The following MED12 variants were observed in gnomAD, a reference collection of about 807,000 sequenced individuals.
MED12 encodes mediator of RNA polymerase II transcription subunit 12.
MED12 carries 10 observed loss-of-function variants against 177.7 expected under a neutral mutation model. That is an observed-to-expected ratio of 0.06 (90% CI 0.03 to 0.10). The LOEUF is 0.10. Ranked by LOEUF, MED12 falls within the 10% of genes least tolerant of loss-of-function variation. The pLI is 1.00. For synonymous variants in MED12, 641 were observed against 678.4 expected (o/e 0.94, Z 0.86); for missense variants, 867 against 1,780.8 (o/e 0.49, Z 9.23).
chrX:71,123,601 G>T lies in MED12; in HGVS notation c.1625G>T (p.Gly542Val). The T allele has an allele frequency of 8.3e-7, 1 of 1,211,439 alleles. No homozygotes were observed. The highest frequency in any genetic ancestry group is 1.1e-6 in the Non-Finnish European group (1 of 895,291). The stretch of plus-strand genomic sequence containing the variant: ...TGTTCTGTCATCTTGCAGCGTTGTG[G>T]AGAATCAGAAGCCGCAGATGAGAAG... ...RQAEIEAERCGESEAADEKGS... is the reference protein window; with the variant it reads ...RQAEIEAERCVESEAADEKGS... The change falls in exon 12 of 45, where the codon GGA becomes GTA. Residue 542 changes from glycine to valine, a missense_variant. By Grantham distance (109) the Gly-to-Val change is moderately radical (BLOSUM62 -3). Around this residue, in one of 14 missense-constraint regions of MED12, gnomAD observed 309 missense variants for 556.3 expected, o/e 0.56. Coordinates refer to ENST00000374080, the MANE Select transcript of MED12 (RefSeq NM_005120.3).
At chrX:71,141,660 G>A (rs892173890) in intron 43 of MED12, among the ~76,000 whole-genome samples, 14 of 111,098 alleles carry the variant, frequency 1.3e-4, no homozygotes, top group East Asian at 2.8e-4. Flanking sequence ...TAAATAAGCC[G>A]GGCATGGTGG....
intron 1 of MED12, 138 bp from the exon 2 acceptor site, chrX:71,119,235 C>G: frequency 1.9e-6 from 1 of 518,863 alleles, no homozygotes; most frequent in Admixed American, 2.8e-5. Flanking sequence ...AAGGGCCCAG[C>G]TTTAAGTAAC....
At chrX:71,136,258 T>C in intron 36 of MED12, 23 bp from the exon 37 acceptor site, 1 of 1,211,229 alleles carries the variant, frequency 8.3e-7, no homozygotes. Context: ...CAACAGCTTA[T>C]TGTTTTTCAT....
In MED12 at chrX:71,121,269, A is replaced by G; in HGVS notation, c.736-58A>G. The G allele has an allele frequency of 3.8e-6, 3 of 790,311 alleles. No individual in the cohort carries two copies. The South Asian group carries it at 6.0e-5, about 16-fold the overall frequency. The allele number at this position is 790,311 out of a possible 1,213,427, so 65.1% of individuals were successfully genotyped here. Reference sequence around the variant, plus strand: ...CAGTTGTGGTTCTCTTCATCTTTTCATTTACTTTATCTGCTTCATCTCTAA... The same window carrying G: ...CAGTTGTGGTTCTCTTCATCTTTTCGTTTACTTTATCTGCTTCATCTCTAA... On this transcript the variant is annotated intron_variant, in intron 5 of 44. Coordinates refer to ENST00000374080, the MANE Select transcript of MED12 (RefSeq NM_005120.3).
In MED12 at chrX:71,132,362, C is replaced by T; in HGVS notation, c.4254-15C>T. The T allele has an allele frequency of 1.7e-6, 2 of 1,210,373 alleles. No homozygotes were observed. The highest frequency in any genetic ancestry group is 2.2e-6 in the Non-Finnish European group (2 of 894,875). The stretch of plus-strand genomic sequence containing the variant: ...TGGCTCCCCTGTGACCCTGTGTCCT[C>T]TGTCTGTTCTCCAGCTCTCTAGAGC... On this transcript the variant is annotated splice_polypyrimidine_tract_variant and intron_variant, in intron 30 of 44. Coordinates refer to ENST00000374080, the MANE Select transcript of MED12 (RefSeq NM_005120.3).
rs751774081 is a variant in MED12 at position 71,126,068 on chromosome X, C to A, written c.2455C>A (p.Arg819=). 2.5e-6 allele frequency: 3 copies of A among 1,210,998 alleles called. No individual in the cohort carries two copies. Among genetic ancestry groups the A allele is most frequent in the Non-Finnish European group, 3.4e-6 (3 of 894,827 alleles). The part of the protein sequence containing the change: ...GEDGQKRRRN[R]PEAFPTAEDI... ...GGATGGGCAGAAGCGGCGACGCAAC[C>A]GGCCTGAAGCCTTCCCCACTGCTGA... Residue 819 remains arginine (R), a synonymous_variant, in exon 18 of 45, where the codon CGG becomes AGG. Transcript: ENST00000374080.
chrX:71,131,487 G>T, intron 28 of MED12, 63 bp from the exon 29 acceptor site: 1 of 1,112,097 alleles, frequency 9.0e-7, no homozygotes, highest in Non-Finnish European at 1.2e-6. Context: ...ATTGGCCTCA[G>T]ATTGTTGGGT....
rs774488297 is a variant in MED12, at chrX:71,130,228, G to A, written c.4047+14G>A. 2.5e-5 allele frequency: 30 copies of A among 1,196,172 alleles called. No homozygotes were observed. The South Asian group carries it at 3.1e-4, about 12-fold the overall frequency. ...CGCATTCTCCAGGTAGGCCAAGGCCGTGGGGGCTGTGGAGGAAGCAGTGGG... is the reference window on the plus strand; with the variant it reads ...CGCATTCTCCAGGTAGGCCAAGGCCATGGGGGCTGTGGAGGAAGCAGTGGG... On this transcript the variant is annotated intron_variant, in intron 28 of 44. Transcript: ENST00000374080.
In MED12 at chrX:71,125,347, G is replaced by A. The variant is rs751157238; in HGVS notation, c.2227-4G>A. ...TGGAGTCTGATGGTGCTGCTGGGAT[G>A]CAGGAGGAGTCATGCAGCCATGAGT... On this transcript the variant is annotated splice_polypyrimidine_tract_variant and splice_region_variant and intron_variant, in intron 15 of 44. Coordinates refer to ENST00000374080, the MANE Select transcript of MED12 (RefSeq NM_005120.3). 3 of 1,211,060 alleles carry A rather than the reference G, an allele frequency of 2.5e-6. No individual in the cohort carries two copies. In the East Asian group the frequency reaches 8.9e-5, roughly 36 times the overall value.
chrX:71,125,690 A>G lies in MED12; in HGVS notation c.2399A>G (p.Asn800Ser). 2 of 1,127,911 alleles carry G rather than the reference A, an allele frequency of 1.8e-6. No individual in the cohort carries two copies. The highest frequency in any genetic ancestry group is 2.4e-6 in the Non-Finnish European group (2 of 847,873). The allele number at this position is 1,127,911 out of a possible 1,213,427, so 93.0% of individuals were successfully genotyped here. ...CAGCTTGCTCCTATTGTGCCTCTGA[A>G]TCCTGGAGACCTGACATTCTTAGGT... ...TDQLAPIVPL[N>S]PGDLTFLGGE... Residue 800 changes from asparagine (N) to serine (S), a missense_variant, in exon 17 of 45, where the codon AAT becomes AGT. Around this residue, in one of 14 missense-constraint regions of MED12, gnomAD observed 309 missense variants for 556.3 expected, o/e 0.56. Coordinates refer to ENST00000374080, the MANE Select transcript of MED12 (RefSeq NM_005120.3).
At chrX:71,124,514 T>A in intron 13 of MED12, 126 bp downstream of exon 13, 3 of 555,919 alleles carry the variant, frequency 5.4e-6, no homozygotes, top group Non-Finnish European at 9.0e-6. Context: ...CACTTGGTGA[T>A]TGACCAAGCA....
rs2092280928 is a variant in MED12 at position 71,118,645 on chromosome X, C to T, written c.-110C>T. The T allele has an allele frequency of 3.0e-6, 2 of 670,902 alleles. No homozygotes were observed. The highest frequency in any genetic ancestry group is 3.5e-5 in the East Asian group (1 of 28,260). 55.3% of individuals were successfully genotyped at this position (670,902 alleles called of 1,213,427 possible). A position where few individuals can be genotyped will look rare whatever the true frequency, so the allele number is the denominator to read the frequency against. On this transcript the variant is annotated 5_prime_UTR_variant, in exon 1 of 45. Transcript: ENST00000374080. ...TCTAACGTGCCCCCTTGTTGTCTCTCGGCCGCCGTCCTCTCAACCACCGCC... is the reference window on the plus strand; with the variant it reads ...TCTAACGTGCCCCCTTGTTGTCTCTTGGCCGCCGTCCTCTCAACCACCGCC...
intron 1 of MED12, 41 bp from the exon 2 acceptor site, chrX:71,119,332 C>G (rs777732967): frequency 5.8e-6 from 6 of 1,037,450 alleles, no homozygotes; most frequent in Admixed American, 2.5e-5. Flanking sequence ...TTCCCCCTTC[C>G]CCTAAGGAAA....
At chrX:71,119,128 C>A (rs1032244129) in intron 1 of MED12, among the ~76,000 whole-genome samples, 1 of 110,281 alleles carries the variant, frequency 9.1e-6, no homozygotes, top group African/African-American at 3.3e-5. Flanking sequence ...GGTACGGCTG[C>A]TCGGCTGTTC....
chrX:71,126,708 C>T (rs2092304236), intron 19 of MED12, among the ~76,000 whole-genome samples: 1 of 112,171 alleles, frequency 8.9e-6, no homozygotes, highest in Admixed American at 9.4e-5. Context: ...TGGGCACAGA[C>T]CATCCTCCCA....
chrX:71,131,980 T>C (rs1301209254), intron 29 of MED12, 93 bp from the exon 30 acceptor site: 1 of 839,577 alleles, frequency 1.2e-6, no homozygotes, highest in Non-Finnish European at 1.8e-6. Flanking sequence ...GCCAGTGTTG[T>C]CCTTCTCCGT....
In MED12 at chrX:71,127,933, G is replaced by A. The variant is rs1602299144; in HGVS notation, c.3022G>A (p.Val1008Met). ...GGTGAAGAACACCATCTACTGCAAC[G>A]TGGAGCCATCGGAATCAAATATGCG... ...SKVKNTIYCN[V>M]EPSESNMRWA... The change falls in exon 22 of 45, where the codon GTG (valine) becomes ATG (methionine). Residue 1008 changes from valine to methionine, a missense_variant. By Grantham distance (21) the Val-to-Met change is conservative. This residue lies in a region of MED12 where 70 missense variants were observed against 143.6 expected (regional missense o/e 0.49). Coordinates refer to ENST00000374080, the MANE Select transcript of MED12 (RefSeq NM_005120.3). The A allele has an allele frequency of 9.9e-6, 12 of 1,211,311 alleles. No individual in the cohort carries two copies. Among genetic ancestry groups the A allele is most frequent in the South Asian group, 1.8e-5 (1 of 56,954 alleles).
intron 3 of MED12, 56 bp from the exon 4 acceptor site, chrX:71,119,958 A>G (rs1049071380): frequency 2.6e-5 from 31 of 1,203,192 alleles, no homozygotes; most frequent in Non-Finnish European, 3.3e-5. Flanking sequence ...ATTAAGCTAC[A>G]TGGGTGTCAG....
chrX:71,118,775 G>T lies in MED12; in HGVS notation c.21G>T (p.Leu7Phe). The T allele has an allele frequency of 8.3e-7, 1 of 1,209,422 alleles. No individual in the cohort carries two copies. The change falls in exon 1 of 45, where the codon TTG (leucine) becomes TTT (phenylalanine). Residue 7 changes from leucine to phenylalanine, a missense_variant. By Grantham distance (22) the Leu-to-Phe change is conservative. Coordinates refer to ENST00000374080, the MANE Select transcript of MED12 (RefSeq NM_005120.3). Reference protein sequence around the residue: MAAFGILSYEHRPLKRP... With the variant: MAAFGIFSYEHRPLKRP... ...GCAAGATGGCGGCCTTCGGGATCTTGAGCTACGAACACCGGCCCCTGAAGC... is the reference window on the plus strand; with the variant it reads ...GCAAGATGGCGGCCTTCGGGATCTTTAGCTACGAACACCGGCCCCTGAAGC...
Sources: allele counts gnomAD v4.1 joint callset (sites outside exome capture counted in the v4.1 genomes callset), GRCh38; gene constraint gnomAD v4.1.1; regional missense constraint gnomAD v4.1.1; transcripts MANE v1.5; gene names NCBI Gene and HGNC (gene_info 2026-07-23, HGNC 2026-07-21).